The following GALC variants were observed in gnomAD, a reference collection of about 807,000 sequenced individuals.
GALC encodes galactosylceramidase.
A neutral mutation model predicts 91.8 loss-of-function variants in GALC; 77 were observed. That is an observed-to-expected ratio of 0.84 (90% CI 0.70 to 1.01). The LOEUF (loss-of-function observed/expected upper bound fraction) is 1.01. Ranked by LOEUF, GALC falls within the 50% of genes least tolerant of loss-of-function variation. GALC has a pLI of 0.00. For synonymous variants in GALC, 357 were observed against 306.7 expected (o/e 1.16, Z -1.71); for missense variants, 882 against 855.9 (o/e 1.03, Z -0.38).
chr14:87,992,159 T>G, intron 1 of GALC: 1 of 860,726 alleles, frequency 1.2e-6, no homozygotes, highest in Non-Finnish European at 1.8e-6. Context: ...GCAGCAGGCA[T>G]TCAAGCTTGT....
chr14:87,993,327 CTT>C, upstream of GALC: 3 of 1,536,108 alleles, frequency 2.0e-6, no homozygotes, highest in Non-Finnish European at 2.6e-6. Flanking sequence ...AAGCAGCGAG[CTT>C]TTTCTTATCG....
intron 10 of GALC, chr14:87,954,627 T>G: frequency 6.3e-7 from 1 of 1,585,104 alleles, no homozygotes; most frequent in South Asian, 1.1e-5. Flanking sequence ...ATATCAGACT[T>G]AGCAACCCAC....
intron 9 of GALC, 98 bp downstream of exon 9, chr14:87,965,407 A>T (rs1316973205): frequency 5.4e-5 from 71 of 1,305,024 alleles, no homozygotes; most frequent in Non-Finnish European, 7.3e-5. Context: ...TACTTAAAAC[A>T]CGCATAGACA....
chr14:87,936,916 A>ATATATATATAT (rs1431339979), intron 16 of GALC, among the ~76,000 whole-genome samples: 1 of 139,572 alleles, frequency 7.2e-6, no homozygotes, highest in African/African-American at 2.8e-5. Context: ...ATATATATTT[A>ATATATATATAT]TTTATTTTCT....
intron 12 of GALC, 131 bp from the exon 13 acceptor site, chr14:87,948,009 G>T: frequency 2.6e-6 from 2 of 772,042 alleles, no homozygotes; most frequent in Non-Finnish European, 4.2e-6. Context: ...AAACATTTGT[G>T]GAAAACTCAC....
At chr14:87,947,927 C>T (rs1483462490) in intron 12 of GALC, 49 bp from the exon 13 acceptor site, 1 of 1,544,084 alleles carries the variant, frequency 6.5e-7, no homozygotes, top group East Asian at 2.3e-5. Context: ...TATAGCTCAT[C>T]TCATGTGGAC....
upstream of GALC, chr14:87,993,354 G>C: frequency 6.5e-7 from 1 of 1,535,498 alleles, no homozygotes; most frequent in South Asian, 1.2e-5. Context: ...CGTGTCTGTG[G>C]TCAGCTACTG....
chr14:87,960,252 G>C (rs1885745115), intron 10 of GALC, among the ~76,000 whole-genome samples: 1 of 152,208 alleles, frequency 6.6e-6, no homozygotes, highest in South Asian at 2.1e-4. Flanking sequence ...CCAGACACTA[G>C]GGTGGGGCTG....
At chr14:87,935,184 T>C (rs181021857) in intron 16 of GALC, among the ~76,000 whole-genome samples, 1 of 152,144 alleles carries the variant, frequency 6.6e-6, no homozygotes, top group East Asian at 1.9e-4. Context: ...TATTATAAAG[T>C]TTTAGAAAAA....
intron 12 of GALC, 133 bp downstream of exon 12, chr14:87,949,712 T>C (rs1009621501): frequency 3.4e-6 from 2 of 582,774 alleles, no homozygotes; most frequent in African/African-American, 1.9e-5. Flanking sequence ...ACAAACTAAA[T>C]GTCTAAGAGC....
chr14:87,950,804 A>G, intron 10 of GALC, 56 bp from the exon 11 acceptor site: 7 of 1,160,268 alleles, frequency 6.0e-6, no homozygotes, highest in Middle Eastern at 2.0e-4. Context: ...ACCTTAGGGG[A>G]AAAAAAGTTC....
intron 1 of GALC, 116 bp downstream of exon 1, chr14:87,992,854 T>A (rs1887267151): frequency 7.1e-7 from 1 of 1,398,976 alleles, no homozygotes; most frequent in South Asian, 1.6e-5. Flanking sequence ...CCTAGGGGAA[T>A]GCGGCGGAGA....
At chr14:87,977,613 C>CTA (rs1381998924) in intron 6 of GALC, among the ~76,000 whole-genome samples, 1 of 152,216 alleles carries the variant, frequency 6.6e-6, no homozygotes, top group Non-Finnish European at 1.5e-5. Flanking sequence ...AAGCCCACTA[C>CTA]TATAGCCCCC....
intron 15 of GALC, among the ~76,000 whole-genome samples, chr14:87,940,964 T>C (rs1884810590): frequency 1.3e-5 from 2 of 151,970 alleles, no homozygotes; most frequent in Admixed American, 1.3e-4. Flanking sequence ...TTAACTAAAT[T>C]CAAAAATGAG....
intron 16 of GALC, 146 bp downstream of exon 16, chr14:87,939,759 G>A: frequency 7.1e-6 from 5 of 704,764 alleles, no homozygotes; most frequent in South Asian, 5.8e-5. Context: ...CTATCCTAGG[G>A]ATGAGTGGCT....
chr14:87,939,351 C>CA (rs11460862), intron 16 of GALC, among the ~76,000 whole-genome samples: 145,319 of 151,826 alleles, frequency 0.96, 69,841 homozygotes, highest in Non-Finnish European at 1. Flanking sequence ...ACATTATACA[C>CA]AAAAATTTAT....
Position 87,950,793 on chromosome 14 carries a change from T to C in GALC, c.1162-45A>G, listed in dbSNP as rs558293541. The C allele has an allele frequency of 2.3e-6, 3 of 1,325,772 alleles. No individual in the cohort carries two copies. The East Asian group carries it at 7.0e-5, about 31-fold the overall frequency. The allele number at this position is 1,325,772 out of a possible 1,614,324, so 82.1% of individuals were successfully genotyped here. On this transcript the variant is annotated intron_variant, in intron 10 of 16. Transcript: ENST00000261304. ...TACATTATCCAAATGATGTATAAGC[T>C]ACCTTAGGGGAAAAAAAGTTCAACA...
At chr14:87,963,697 C>T (rs1385592815) in intron 9 of GALC, among the ~76,000 whole-genome samples, 186 bp from the exon 10 acceptor site, 2 of 151,798 alleles carry the variant, frequency 1.3e-5, no homozygotes, top group Non-Finnish European at 1.5e-5. Context: ...ATAAATGGTA[C>T]AATTGCAAGA....
intron 5 of GALC, among the ~76,000 whole-genome samples, chr14:87,982,953 A>C (rs1042023993): frequency 6.6e-6 from 1 of 152,192 alleles, no homozygotes. Context: ...CAAGATGTGA[A>C]TCACCCATTA....
Sources: gnomAD v4.1 joint callset for allele counts (sites outside exome capture counted in the v4.1 genomes callset) on GRCh38, gnomAD v4.1.1 for gene constraint, MANE v1.5 for transcripts, NCBI Gene and HGNC (gene_info 2026-07-23, HGNC 2026-07-21) for gene names.